The following FAM25G variants were observed in gnomAD, a reference collection of about 807,000 sequenced individuals.
FAM25G encodes protein FAM25G.
FAM25G carries 3 observed loss-of-function variants against 6.4 expected under a neutral mutation model. That is an observed-to-expected ratio of 0.47 (90% CI 0.21 to 1.21). The LOEUF (loss-of-function observed/expected upper bound fraction) is 1.21. FAM25G is among the 50% of genes most tolerant of loss of function. The pLI, the probability that FAM25G is intolerant of heterozygous loss-of-function variation, is 0.22. For synonymous variants in FAM25G, 15 were observed against 31.3 expected (o/e 0.48, Z 1.74); for missense variants, 34 against 76.0 (o/e 0.45, Z 2.06).
chr10:47,488,460 C>T (rs1840084390), intron 2 of FAM25G, among the ~76,000 whole-genome samples: 1 of 149,512 alleles, frequency 6.7e-6, no homozygotes, highest in African/African-American at 2.5e-5. Context: ...GCCCACCCGC[C>T]TTGGCTTCCC....
intron 2 of FAM25G, among the ~76,000 whole-genome samples, chr10:47,488,331 C>G (rs1203114062): frequency 1.4e-5 from 2 of 142,178 alleles, no homozygotes; most frequent in Non-Finnish European, 3.0e-5. Flanking sequence ...CTGCCTCAGA[C>G]TCCTGAGTAG....
intron 2 of FAM25G, among the ~76,000 whole-genome samples, chr10:47,488,852 C>T (rs1373530685): frequency 3.2e-4 from 46 of 145,752 alleles, no homozygotes; most frequent in African/African-American, 5.1e-4. Context: ...CTCAGCCTCC[C>T]GAGTAGCTAG....
rs1840064231 is a variant in FAM25G at position 47,487,229 on chromosome 10, A to G, written c.*46T>C. On this transcript the variant is annotated 3_prime_UTR_variant, in exon 3 of 3. Transcript: ENST00000452267. ...ATCCAGCGCTCAATGTACACATGTC[A>G]TGGCTTTTTATTGAGACTGGGGAAG... The G allele has an allele frequency of 5.1e-6, 6 of 1,172,870 alleles. No individual in the cohort carries two copies. The East Asian group carries it at 1.1e-4, about 21-fold the overall frequency. The allele number at this position is 1,172,870 out of a possible 1,614,324, so 72.7% of individuals were successfully genotyped here. A position where few individuals can be genotyped will look rare whatever the true frequency, so the allele number is the denominator to read the frequency against.
chr10:47,489,298 A>G (rs2376616), intron 2 of FAM25G, among the ~76,000 whole-genome samples: 15 of 143,064 alleles, frequency 1.0e-4, no homozygotes, highest in East Asian at 2.7e-4. Context: ...GATTACAGGC[A>G]TGAGCCACCG....
intron 2 of FAM25G, among the ~76,000 whole-genome samples, chr10:47,488,902 T>A (rs1840095691): frequency 1.4e-5 from 2 of 146,148 alleles, no homozygotes; most frequent in Admixed American, 6.9e-5. Context: ...TAATTTTTTG[T>A]ATTTTTAGTA....
intron 2 of FAM25G, among the ~76,000 whole-genome samples, chr10:47,488,431 G>A (rs1420043272): frequency 2.1e-5 from 3 of 145,220 alleles, no homozygotes; most frequent in East Asian, 2.1e-4. Flanking sequence ...GGCTGGTCTC[G>A]AACTCCTGAC....
intron 1 of FAM25G, among the ~76,000 whole-genome samples, chr10:47,490,587 T>C: frequency 6.6e-6 from 1 of 151,748 alleles, no homozygotes; most frequent in East Asian, 1.9e-4. Flanking sequence ...AGAATGGCAG[T>C]GCTAGAAGCA....
chr10:47,488,932 GT>G (rs1840096482), intron 2 of FAM25G, among the ~76,000 whole-genome samples: 1 of 146,942 alleles, frequency 6.8e-6, no homozygotes, highest in African/African-American at 2.5e-5. Flanking sequence ...TTTCACCGTG[GT>G]CTGGATCTCC....
At chr10:47,487,586 G>A (rs1418850162) in intron 2 of FAM25G, among the ~76,000 whole-genome samples, 178 bp from the exon 3 acceptor site, 2 of 128,566 alleles carry the variant, frequency 1.6e-5, no homozygotes, top group East Asian at 2.6e-4. Flanking sequence ...CCAACAACTT[G>A]CATTTCTTCA....
intron 2 of FAM25G, among the ~76,000 whole-genome samples, chr10:47,487,944 C>G (rs1306911598): frequency 4.6e-5 from 7 of 150,948 alleles, no homozygotes. Flanking sequence ...TGTCTTCCCC[C>G]TCAAAACTCA....
At position 47,491,610 on chromosome 10, in the gene FAM25G, T is replaced by C; in HGVS notation, c.65A>G (p.Glu22Gly). The C allele has an allele frequency of 6.5e-7, 1 of 1,527,004 alleles. No individual in the cohort carries two copies. Among genetic ancestry groups the C allele is most frequent in the Non-Finnish European group, 8.8e-7 (1 of 1,133,114 alleles). The allele number at this position is 1,527,004 out of a possible 1,614,324, so 94.6% of individuals were successfully genotyped here. A position where few individuals can be genotyped will look rare whatever the true frequency, so the allele number is the denominator to read the frequency against. Residue 22 changes from glutamate to glycine, a missense_variant, in exon 1 of 3, where the codon GAG (glutamate) becomes GGG (glycine). By Grantham distance (98) the Glu-to-Gly change is moderately conservative. Transcript: ENST00000452267. ...GAGCCCTGGGTCCTCACTGGCTCCC[T>C]CGGTGGCCTTCTCGGTGCGGTGGGC... ...GLAHRTEKATEGAIHAVEEVV... is the reference protein window; with the variant it reads ...GLAHRTEKATGGAIHAVEEVV...
chr10:47,490,118 C>T lies in FAM25G; in HGVS notation c.74-470G>A, dbSNP rs1171704229. Among the ~76,000 whole-genome samples, 398 of 151,046 alleles carry T rather than the reference C, an allele frequency of 2.6e-3. 4 individuals are homozygous for T. The highest frequency in any genetic ancestry group is 4.6e-3 in the Non-Finnish European group (310 of 67,948). ...CCTCTCAGGATGTGCTAGCGCCTGC[C>T]TCAGGTTGGTTTCCAAAGCCTCATC... On this transcript the variant is annotated intron_variant, in intron 1 of 2. Transcript: ENST00000452267.
At chr10:47,490,564 A>T (rs1305968999) in intron 1 of FAM25G, among the ~76,000 whole-genome samples, 1 of 151,864 alleles carries the variant, frequency 6.6e-6, no homozygotes, top group African/African-American at 2.4e-5. Flanking sequence ...TGAGAAACAT[A>T]TGGCTACTTG....
At chr10:47,490,628 C>CAGCTTTTCTCCCAACGCTG (rs1490198356) in intron 1 of FAM25G, among the ~76,000 whole-genome samples, 9 of 148,258 alleles carry the variant, frequency 6.1e-5, no homozygotes, top group African/African-American at 2.0e-4. Context: ...AGCCCTGCCT[C>CAGCTTTTCTCCCAACGCTG]AGCTTTTCTC....
chr10:47,489,254 A>C (rs1396368933), intron 2 of FAM25G, among the ~76,000 whole-genome samples: 1 of 121,288 alleles, frequency 8.2e-6, no homozygotes, highest in Non-Finnish European at 1.8e-5. Flanking sequence ...TCCTGACCTC[A>C]TGATCCGCCC....
intron 2 of FAM25G, among the ~76,000 whole-genome samples, chr10:47,488,884 T>C (rs1840095329): frequency 6.8e-6 from 1 of 146,852 alleles, no homozygotes; most frequent in African/African-American, 2.5e-5. Flanking sequence ...CCCGCCACCG[T>C]GCCCAGCTAA....
intron 2 of FAM25G, among the ~76,000 whole-genome samples, chr10:47,489,194 A>AT (rs1461766112): frequency 7.2e-6 from 1 of 138,366 alleles, no homozygotes; most frequent in Non-Finnish European, 1.5e-5. Flanking sequence ...ATTTTTATGT[A>AT]TTTTTAGTAG....
intron 1 of FAM25G, chr10:47,490,527 T>C (rs1248909802): frequency 1.3e-5 from 2 of 152,720 alleles, no homozygotes; most frequent in African/African-American, 4.9e-5. Context: ...GATGTGGAGG[T>C]TGAAAGGAAA....
In FAM25G at chr10:47,491,655, T is replaced by A; in HGVS notation, c.20A>T (p.Lys7Met). Residue 7 changes from lysine to methionine, a missense_variant, in exon 1 of 3, where the codon AAG (lysine) becomes ATG (methionine). Physicochemically the swap from Lys to Met is moderately conservative, Grantham distance 95. Coordinates refer to ENST00000452267, the MANE Select transcript of FAM25G (RefSeq NM_001137549.2). MLGGLG[K>M]LAAEGLAHRT... ...GTGGGCCAGGCCCTCGGCAGCCAGC[T>A]TCCCCAGGCCTCCCAGCATCGTGTG... 4 of 1,540,346 alleles carry A rather than the reference T, an allele frequency of 2.6e-6. No individual in the cohort carries two copies. Among genetic ancestry groups the A allele is most frequent in the East Asian group, 5.0e-5 (2 of 40,314 alleles).
Sources: allele counts gnomAD v4.1 joint callset (sites outside exome capture counted in the v4.1 genomes callset), GRCh38; gene constraint gnomAD v4.1.1; transcripts MANE v1.5; gene names NCBI Gene and HGNC (gene_info 2026-07-23, HGNC 2026-07-21).